Variants in POLN observed in about 807,000 individuals in gnomAD.
The protein encoded by POLN is DNA polymerase N.
In POLN, 108 loss-of-function variants were observed where a neutral mutation model predicts 113.5. The ratio of observed to expected loss-of-function variants is 0.95; its 90% CI spans 0.81 to 1.12. The LOEUF (loss-of-function observed/expected upper bound fraction) is 1.12. Ranked by LOEUF, POLN falls within the 50% of genes most tolerant of loss-of-function variation. The pLI is 0.00. For synonymous variants in POLN, 386 were observed against 391.5 expected, an observed-to-expected ratio of 0.99 and a Z score of 0.17; for missense variants, 1,097 against 1,077.1, an observed-to-expected ratio of 1.02 and a Z score of -0.26.
intron 3 of POLN, among the ~76,000 whole-genome samples, chr4:2,226,437 A>C (rs770042917): frequency 2.6e-5 from 4 of 152,260 alleles, no homozygotes; most frequent in Non-Finnish European, 5.9e-5. Flanking sequence ...AAAAGGCAGG[A>C]TAATTAATGG....
intron 8 of POLN, among the ~76,000 whole-genome samples, chr4:2,176,680 CCT>C (rs1733005470): frequency 6.6e-6 from 1 of 151,970 alleles, no homozygotes; most frequent in African/African-American, 2.4e-5. Flanking sequence ...GCAGACCTGG[CCT>C]CTCTGGAGTC....
chr4:2,089,385 A>G, intron 20 of POLN: 2 of 1,388,346 alleles, frequency 1.4e-6, no homozygotes, highest in Non-Finnish European at 9.9e-7. Context: ...AGGATCCCAA[A>G]CTTAGATCTG....
chr4:2,154,033 T>G (rs1347287437), intron 16 of POLN, among the ~76,000 whole-genome samples: 1 of 150,900 alleles, frequency 6.6e-6, no homozygotes, highest in African/African-American at 2.4e-5. Context: ...CTATCTCTAC[T>G]AAGAATACAA....
At chr4:2,139,075 C>A (rs958076338) in intron 16 of POLN, among the ~76,000 whole-genome samples, 3 of 152,028 alleles carry the variant, frequency 2.0e-5, no homozygotes, top group Non-Finnish European at 4.4e-5. Context: ...AGGATGAGCA[C>A]CCTTGACCAC....
At chr4:2,169,582 C>G (rs889960601) in intron 13 of POLN, among the ~76,000 whole-genome samples, 1 of 152,168 alleles carries the variant, frequency 6.6e-6, no homozygotes, top group Non-Finnish European at 1.5e-5. Flanking sequence ...CACACACACA[C>G]GCACACACAC....
chr4:2,097,550 A>G (rs867713790), intron 19 of POLN, among the ~76,000 whole-genome samples: 1 of 151,740 alleles, frequency 6.6e-6, no homozygotes, highest in African/African-American at 2.4e-5. Context: ...AGGTTTTATC[A>G]TGTTGGCCAG....
chr4:2,207,970 C>T lies in POLN; in HGVS notation c.714+17G>A, dbSNP rs756576021. On this transcript the variant is annotated intron_variant, in intron 5 of 25. Coordinates refer to ENST00000511885, the MANE Select transcript of POLN (RefSeq NM_181808.4). Reference sequence around the variant, plus strand: ...ATGGTGTCAAGACAGCAAATAAAAACATCACTGTTTACTAACCTGGTCAGC... The same window carrying T: ...ATGGTGTCAAGACAGCAAATAAAAATATCACTGTTTACTAACCTGGTCAGC... The T allele has an allele frequency of 3.8e-6, 6 of 1,563,294 alleles. No individual in the cohort carries two copies. The South Asian group carries it at 6.1e-5, about 16-fold the overall frequency.
chr4:2,204,208 G>A (rs1232101184), intron 5 of POLN, among the ~76,000 whole-genome samples: 1 of 138,096 alleles, frequency 7.2e-6, no homozygotes, highest in East Asian at 2.1e-4. Context: ...GATTAACCAA[G>A]AAAATAAGAG....
Position 2,208,468 on chromosome 4 carries a change from C to CT in POLN, c.232dup (p.Ser78LysfsTer26). 1 of 1,551,370 alleles carries CT rather than the reference C, an allele frequency of 6.4e-7. No homozygotes were observed. Among genetic ancestry groups the CT allele is most frequent in the Non-Finnish European group, 8.7e-7 (1 of 1,154,664 alleles). ...CTTGGCAGAACCTCTTGATGTCTGACTTCTTAAAGATTTAAGATCCTACAG... is the reference window on the plus strand; with the variant it reads ...CTTGGCAGAACCTCTTGATGTCTGACTTTCTTAAAGATTTAAGATCCTACAG... On this transcript the variant is annotated frameshift_variant, in exon 5 of 26. Coordinates refer to ENST00000511885, the MANE Select transcript of POLN (RefSeq NM_181808.4). LOFTEE classifies it high-confidence loss of function.
intron 6 of POLN, among the ~76,000 whole-genome samples, chr4:2,194,847 T>G (rs6854445): frequency 1.3e-5 from 2 of 151,830 alleles, no homozygotes; most frequent in Non-Finnish European, 2.9e-5. Flanking sequence ...CAATGAGTCA[T>G]GATCACAACC....
At chr4:2,169,338 G>T (rs565271749) in intron 13 of POLN, among the ~76,000 whole-genome samples, 3 of 152,346 alleles carry the variant, frequency 2.0e-5, no homozygotes, top group Admixed American at 2.0e-4. Context: ...GGCAAGAATG[G>T]TTGGAGGGAT....
intron 9 of POLN, among the ~76,000 whole-genome samples, chr4:2,175,551 T>C (rs573270094): frequency 6.6e-6 from 1 of 152,372 alleles, no homozygotes; most frequent in African/African-American, 2.4e-5. Context: ...CCACCTCCCC[T>C]GAGAGCATGG....
chr4:2,111,176 G>C (rs1437475855), intron 19 of POLN, among the ~76,000 whole-genome samples: 5 of 152,190 alleles, frequency 3.3e-5, no homozygotes, highest in Non-Finnish European at 5.9e-5. Context: ...AAAGGCCTTT[G>C]ACAAAATTCA....
chr4:2,087,273 T>C (rs1730571736), intron 20 of POLN, among the ~76,000 whole-genome samples: 1 of 152,268 alleles, frequency 6.6e-6, no homozygotes, highest in African/African-American at 2.4e-5. Context: ...AAATAAGTTA[T>C]GTGTTTTGCT....
At chr4:2,193,834 G>T (rs1733512448) in intron 6 of POLN, among the ~76,000 whole-genome samples, 1 of 152,164 alleles carries the variant, frequency 6.6e-6, no homozygotes, top group Non-Finnish European at 1.5e-5. Flanking sequence ...AGGAAGGTAT[G>T]CCCTAATTCC....
chr4:2,081,115 A>G (rs1730404648), intron 22 of POLN, 79 bp from the exon 23 acceptor site: 1 of 1,608,440 alleles, frequency 6.2e-7, no homozygotes, highest in Admixed American at 1.7e-5. Flanking sequence ...CCATCGCCAC[A>G]GCTCTCACGG....
intron 12 of POLN, 68 bp downstream of exon 12, chr4:2,171,030 A>G (rs1732848001): frequency 7.3e-7 from 1 of 1,367,468 alleles, no homozygotes; most frequent in Admixed American, 2.1e-5. Context: ...TTATAAATTC[A>G]AAATAAATCT....
At chr4:2,240,378 T>G (rs766504543) in intron 2 of POLN, 1 of 1,607,454 alleles carries the variant, frequency 6.2e-7, no homozygotes, top group East Asian at 2.2e-5. Context: ...TACCAGTGGA[T>G]TTGTCCCTTG....
At position 2,147,637 on chromosome 4, in the gene POLN, TCTTTTC is replaced by T. The variant is rs1322800200; in HGVS notation, c.1731+9145_1731+9150del. 1.9e-3 allele frequency among the ~76,000 whole-genome samples: 239 copies of T among 126,990 alleles called. 16 individuals carry two copies. Among genetic ancestry groups the T allele is most frequent in the South Asian group, 3.0e-3 (11 of 3,670 alleles). The allele number at this position is 126,990 out of a possible 152,430, so 83.3% of individuals were successfully genotyped here. On this transcript the variant is annotated intron_variant, in intron 16 of 25. Transcript: ENST00000511885. The stretch of plus-strand genomic sequence containing the variant: ...AAGAGTAGATCAGACATCCAGTTTT[TCTTTTC>T]TTTTTTTTTTTTTTTTGAGACAAAG...
Sources: gnomAD v4.1 joint callset for allele counts (sites outside exome capture counted in the v4.1 genomes callset) on GRCh38, gnomAD v4.1.1 for gene constraint, MANE v1.5 for transcripts, NCBI Gene and HGNC (gene_info 2026-07-23, HGNC 2026-07-21) for gene names.